PCBD2: variants seen among roughly 807,000 people sequenced by gnomAD.
PCBD2 encodes the protein pterin-4 alpha-carbinolamine dehydratase 2.
PCBD2 carries 12 observed loss-of-function variants against 16.4 expected under a neutral mutation model. That is an observed-to-expected ratio of 0.73 (90% confidence interval 0.47 to 1.19). The LOEUF (loss-of-function observed/expected upper bound fraction) is 1.19. Ranked by LOEUF, PCBD2 falls within the 50% of genes most tolerant of loss-of-function variation. PCBD2 has a pLI of 0.00. For synonymous variants in PCBD2, 58 were observed against 61.8 expected, an observed-to-expected ratio of 0.94 and a Z score of 0.29; for missense variants, 138 against 156.8, an observed-to-expected ratio of 0.88 and a Z score of 0.64.
intron 2 of PCBD2, among the ~76,000 whole-genome samples, chr5:134,948,303 A>G (rs1751321894): frequency 1.3e-5 from 2 of 152,318 alleles, no homozygotes; most frequent in South Asian, 4.1e-4. Context: ...TCTTCAGGGA[A>G]AAGATACTCA....
At chr5:134,943,986 G>T (rs1431040245) in intron 2 of PCBD2, among the ~76,000 whole-genome samples, 13 of 152,162 alleles carry the variant, frequency 8.5e-5, no homozygotes, top group Admixed American at 8.5e-4. Flanking sequence ...AGCATGAAAA[G>T]CTTTGAAAAT....
chr5:134,906,906 C>A (rs779993606), intron 1 of PCBD2, among the ~76,000 whole-genome samples: 3 of 152,232 alleles, frequency 2.0e-5, no homozygotes, highest in Non-Finnish European at 4.4e-5. Flanking sequence ...AAAAATTAAG[C>A]CCACCACCAA....
At chr5:134,935,727 T>TA (rs1751151681) in intron 2 of PCBD2, among the ~76,000 whole-genome samples, 1 of 152,240 alleles carries the variant, frequency 6.6e-6, no homozygotes, top group Non-Finnish European at 1.5e-5. Context: ...TAAAACATGT[T>TA]AAAAAATATA....
intron 2 of PCBD2, among the ~76,000 whole-genome samples, chr5:134,929,271 C>T (rs1751061899): frequency 6.6e-6 from 1 of 150,448 alleles, no homozygotes; most frequent in Admixed American, 6.6e-5. Context: ...TGCTTGAGGC[C>T]AGGAGTTTGA....
At chr5:134,953,099 C>T (rs545000397) in intron 2 of PCBD2, among the ~76,000 whole-genome samples, 61 of 151,406 alleles carry the variant, frequency 4.0e-4, no homozygotes, top group Non-Finnish European at 7.5e-4. Flanking sequence ...TGTGATCCAG[C>T]GTGAAAGTTT....
intron 2 of PCBD2, chr5:134,926,923 T>C: frequency 5.0e-6 from 2 of 397,962 alleles, no homozygotes; most frequent in Admixed American, 8.8e-5. Context: ...AGGTTAATAG[T>C]GGGGGGTAAG....
intron 1 of PCBD2, among the ~76,000 whole-genome samples, chr5:134,906,442 C>T (rs1292639957): frequency 6.6e-6 from 1 of 151,212 alleles, no homozygotes; most frequent in African/African-American, 2.4e-5. Flanking sequence ...CTGACCTCGT[C>T]ATCCACCCTC....
chr5:134,908,495 C>T (rs1750726367), intron 1 of PCBD2, among the ~76,000 whole-genome samples: 1 of 151,958 alleles, frequency 6.6e-6, no homozygotes, highest in South Asian at 2.1e-4. Context: ...GAAACCCTGT[C>T]TCTACTAAAA....
chr5:134,905,726 A>C (rs1750679788), intron 1 of PCBD2: 1 of 152,988 alleles, frequency 6.5e-6, no homozygotes, highest in African/African-American at 2.4e-5. Flanking sequence ...AGGGGCCGTC[A>C]GTTTTCCTGC....
At chr5:134,929,654 T>G (rs28659771) in intron 2 of PCBD2, among the ~76,000 whole-genome samples, 2,124 of 152,308 alleles carry the variant, frequency 0.014, 62 homozygotes, top group African/African-American at 0.049. Context: ...CCTAGACTTA[T>G]ACTTGTTTGT....
At chr5:134,954,215 A>G (rs1751390690) in intron 2 of PCBD2, among the ~76,000 whole-genome samples, 1 of 152,184 alleles carries the variant, frequency 6.6e-6, no homozygotes, top group African/African-American at 2.4e-5. Context: ...TCAACCTTGG[A>G]TTCCCAAAGC....
At chr5:134,950,032 G>C (rs1285821026) in intron 2 of PCBD2, among the ~76,000 whole-genome samples, 1 of 152,192 alleles carries the variant, frequency 6.6e-6, no homozygotes. Flanking sequence ...GTTTCAAGAC[G>C]TGAAGAAATG....
chr5:134,954,602 C>G (rs1751394302), intron 2 of PCBD2, among the ~76,000 whole-genome samples: 1 of 152,126 alleles, frequency 6.6e-6, no homozygotes, highest in Non-Finnish European at 1.5e-5. Flanking sequence ...AAATGTCTGT[C>G]TTTTGCATTT....
chr5:134,910,574 A>C (rs1750756363), intron 2 of PCBD2, 108 bp downstream of exon 2: 1 of 1,298,364 alleles, frequency 7.7e-7, no homozygotes, highest in Non-Finnish European at 1.1e-6. Context: ...CTAGGATTCA[A>C]CTCTTCCCTT....
At chr5:134,955,549 C>A (rs1185826555) in intron 2 of PCBD2, among the ~76,000 whole-genome samples, 1 of 152,040 alleles carries the variant, frequency 6.6e-6, no homozygotes, top group Admixed American at 6.5e-5. Context: ...CTCAGGTGAT[C>A]TGCCTGCCTC....
chr5:134,923,144 C>T (rs1010410645), intron 2 of PCBD2, among the ~76,000 whole-genome samples: 5 of 152,156 alleles, frequency 3.3e-5, no homozygotes, highest in Non-Finnish European at 7.4e-5. Flanking sequence ...AAGTGACTTG[C>T]CCAAGGTCTC....
At chr5:134,923,755 C>T (rs977202747) in intron 2 of PCBD2, 13 of 391,554 alleles carry the variant, frequency 3.3e-5, no homozygotes, top group African/African-American at 1.4e-4. Flanking sequence ...AGGCCTCGGC[C>T]GATGTGTAGG....
intron 2 of PCBD2, among the ~76,000 whole-genome samples, chr5:134,948,657 CCA>C (rs1751326008): frequency 6.6e-6 from 1 of 151,058 alleles, no homozygotes; most frequent in Non-Finnish European, 1.5e-5. Context: ...TAAAGAGTTG[CCA>C]TATTTTTTCA....
intron 2 of PCBD2, among the ~76,000 whole-genome samples, chr5:134,943,490 T>C (rs998989050): frequency 1.3e-5 from 2 of 152,204 alleles, no homozygotes; most frequent in African/African-American, 4.8e-5. Flanking sequence ...CTTTAAACTT[T>C]TACAAATGCT....
Sources: allele counts gnomAD v4.1 joint callset (sites outside exome capture counted in the v4.1 genomes callset), GRCh38; gene constraint gnomAD v4.1.1; transcripts MANE v1.5; gene names NCBI Gene and HGNC (gene_info 2026-07-23, HGNC 2026-07-21).